The following CYP17A1 variants were observed in gnomAD, a reference collection of about 807,000 sequenced individuals.
CYP17A1 encodes steroid 17-alpha-hydroxylase/17,20 lyase.
Under a neutral mutation model 38.5 loss-of-function variants are expected in CYP17A1, and 27 were observed. That is an observed-to-expected ratio of 0.70 (90% confidence interval 0.52 to 0.97). The LOEUF (loss-of-function observed/expected upper bound fraction) is 0.97. Ranked by LOEUF, CYP17A1 falls within the 50% of genes least tolerant of loss-of-function variation. The pLI is 0.00. For missense variants in CYP17A1, 549 were observed against 645.9 expected, an observed-to-expected ratio of 0.85 and a Z score of 1.63; for synonymous variants, 263 against 253.3, an observed-to-expected ratio of 1.04 and a Z score of -0.36.
chr10:102,832,860 A>G, intron 5 of CYP17A1, 133 bp downstream of exon 5: 2 of 1,522,432 alleles, frequency 1.3e-6, no homozygotes, highest in Non-Finnish European at 1.8e-6. Context: ...GTCAAAGCCA[A>G]CTACTGCTTG....
At chr10:102,831,996 G>A (rs539515672) in intron 6 of CYP17A1, among the ~76,000 whole-genome samples, 12 of 152,290 alleles carry the variant, frequency 7.9e-5, no homozygotes, top group South Asian at 2.1e-4. Flanking sequence ...GCAGATCTGT[G>A]GATGAGTCAA....
chr10:102,832,824 A>C, intron 5 of CYP17A1, 144 bp from the exon 6 acceptor site: 1 of 1,422,826 alleles, frequency 7.0e-7, no homozygotes, highest in Non-Finnish European at 9.8e-7. Context: ...CCCGGCTTCC[A>C]GAAGATGGGG....
At chr10:102,833,423 A>T in intron 4 of CYP17A1, 1 of 778,892 alleles carries the variant, frequency 1.3e-6, no homozygotes, top group Non-Finnish European at 1.9e-6. Context: ...GATCCTCTTC[A>T]GTTCCTCACT....
intron 4 of CYP17A1, 171 bp from the exon 5 acceptor site, chr10:102,833,379 T>C: frequency 2.2e-6 from 3 of 1,354,914 alleles, no homozygotes; most frequent in South Asian, 2.8e-5. Context: ...CCGGGCCCTC[T>C]TTAAATTTGG....
rs765590239 is a variant in CYP17A1 at position 102,834,111 on chromosome 10, G to A, written c.678C>T (p.Asn226=). The stretch of plus-strand genomic sequence containing the variant: ...GGCTCTTTAATTTTTCCAGGGTTTT[G>A]TTGGGGAAAATCTGGGAAATAAAAA... ...DLVPWLKIFP[N]KTLEKLKSHV... Residue 226 remains asparagine (N), a synonymous_variant, in exon 4 of 8, where the codon AAC becomes AAT. Coordinates refer to ENST00000369887, the MANE Select transcript of CYP17A1 (RefSeq NM_000102.4). The A allele has an allele frequency of 1.8e-5, 23 of 1,270,936 alleles. No individual in the cohort carries two copies. The highest frequency in any genetic ancestry group is 3.7e-4 in the Middle Eastern group (2 of 5,432). 78.7% of individuals were successfully genotyped at this position (1,270,936 alleles called of 1,614,324 possible).
intron 3 of CYP17A1, chr10:102,834,453 G>A (rs1564778813): frequency 3.6e-6 from 2 of 552,590 alleles, no homozygotes; most frequent in Admixed American, 6.3e-5. Context: ...ACCCCGCTAA[G>A]CCTGCTTCTC....
chr10:102,834,339 C>T, intron 3 of CYP17A1: 1 of 585,148 alleles, frequency 1.7e-6, no homozygotes, highest in East Asian at 3.0e-5. Flanking sequence ...GTGGTCTCCA[C>T]CTCTCCTTCC....
At chr10:102,831,702 GA>G in intron 6 of CYP17A1, 91 bp from the exon 7 acceptor site, 4 of 1,574,228 alleles carry the variant, frequency 2.5e-6, no homozygotes. Context: ...CCGCCGTGAG[GA>G]AAATGCCCTT....
intron 4 of CYP17A1, chr10:102,833,430 C>A: frequency 2.8e-6 from 2 of 704,344 alleles, no homozygotes; most frequent in Non-Finnish European, 4.4e-6. Context: ...TTCAGTTCCT[C>A]ACTTTTCGAT....
In CYP17A1 at chr10:102,837,133, C is replaced by T. The variant is rs61754265; in HGVS notation, c.229G>A (p.Gly77Ser). 1.3e-5 allele frequency: 21 copies of T among 1,602,120 alleles called. No homozygotes were observed. Among genetic ancestry groups the T allele is most frequent in the African/African-American group, 8.0e-5 (6 of 74,748 alleles). The change falls in exon 1 of 8, where the codon GGC becomes AGC. Residue 77 changes from glycine (G) to serine (S), a missense_variant. Around this residue, in one of 3 missense-constraint regions of CYP17A1, gnomAD observed 289 missense variants for 320.9 expected, o/e 0.90. Transcript: ENST00000369887. The part of the protein sequence containing the change: ...RMGTKTTVIV[G>S]HHQLAKEVLI... ...ACCTCCTTGGCCAGCTGGTGGTGGC[C>T]GACAATCACTGTAGTCTTGGTGCCC...
intron 7 of CYP17A1, among the ~76,000 whole-genome samples, 167 bp from the exon 8 acceptor site, chr10:102,831,152 C>T (rs1844083096): frequency 6.7e-6 from 1 of 149,756 alleles, no homozygotes; most frequent in Non-Finnish European, 1.5e-5. Context: ...GCCCTGCTTT[C>T]AGGTAGCCCT....
Sources: allele counts gnomAD v4.1 joint callset (sites outside exome capture counted in the v4.1 genomes callset), GRCh38; gene constraint gnomAD v4.1.1; regional missense constraint gnomAD v4.1.1; transcripts MANE v1.5; gene names NCBI Gene and HGNC (gene_info 2026-07-23, HGNC 2026-07-21).